The following PTGR2 variants were observed in gnomAD, a reference collection of about 807,000 sequenced individuals.
PTGR2 encodes prostaglandin reductase 2.
Under a neutral mutation model 43.4 loss-of-function variants are expected in PTGR2, and 32 were observed. That is an observed-to-expected ratio of 0.74 (90% confidence interval 0.56 to 0.99). PTGR2 has a LOEUF of 0.99. Among genes scored for constraint, PTGR2 ranks in the 50% least tolerant of loss-of-function variants. The pLI is 0.00. For missense variants in PTGR2, 373 were observed against 420.0 expected (o/e 0.89, Z 0.98); for synonymous variants, 106 against 139.2 (o/e 0.76, Z 1.68).
At chr14:73,861,185 G>A (rs1187550939) in intron 3 of PTGR2, 2 of 152,876 alleles carry the variant, frequency 1.3e-5, no homozygotes, top group Non-Finnish European at 2.9e-5. Flanking sequence ...ACAGGCATGA[G>A]CCACTGTGCT....
intron 6 of PTGR2, 137 bp from the exon 7 acceptor site, chr14:73,879,918 C>T: frequency 8.2e-6 from 6 of 728,972 alleles, no homozygotes; most frequent in South Asian, 3.8e-5. Context: ...TCTTAAATAC[C>T]TCTAACAGGT....
rs182665308 is a variant in PTGR2, at chr14:73,858,446, G to A, written c.-47-370G>A. 658 of 159,528 alleles carry A rather than the reference G, an allele frequency of 4.1e-3. 10 individuals are homozygous for A. Among genetic ancestry groups the A allele is most frequent in the African/African-American group, 0.015 (637 of 41,546 alleles). The allele number at this position is 159,528 out of a possible 1,614,324, so 9.9% of individuals were successfully genotyped here. ...CAGGCGCCTGTCGTCCCATCTACTC[G>A]GGAGGCTGAGGCAGGAGAATGGCGT... On this transcript the variant is annotated intron_variant, in intron 1 of 9. Coordinates refer to ENST00000555661, the MANE Select transcript of PTGR2 (RefSeq NM_001146154.2).
intron 7 of PTGR2, among the ~76,000 whole-genome samples, chr14:73,880,860 G>A (rs1001413797): frequency 6.6e-6 from 1 of 152,176 alleles, no homozygotes; most frequent in South Asian, 2.1e-4. Context: ...AAAGTGGCGC[G>A]ATCGCAGCTC....
intron 1 of PTGR2, among the ~76,000 whole-genome samples, chr14:73,852,321 G>C (rs928756896): frequency 5.9e-5 from 9 of 152,262 alleles, no homozygotes; most frequent in Admixed American, 5.9e-4. Flanking sequence ...GAGTGCAGTG[G>C]CGCGATCTCG....
chr14:73,880,138 T>G lies in PTGR2; in HGVS notation c.813T>G (p.Pro271=), dbSNP rs936882852. 1.2e-6 allele frequency: 2 copies of G among 1,614,038 alleles called. No individual in the cohort carries two copies. The highest frequency in any genetic ancestry group is 2.7e-5 in the African/African-American group (2 of 75,038). The change falls in exon 7 of 10, where the codon CCT becomes CCG. Residue 271 remains proline (P), a synonymous_variant. Coordinates refer to ENST00000555661, the MANE Select transcript of PTGR2 (RefSeq NM_001146154.2). ...KDVPYPPPLS[P]AIEAIQKERN... is the part of the protein sequence containing the mutation. ...TGCCTTATCCTCCCCCGCTATCCCCTGCTATAGAGGCAATCCAGAAAGAAA... is the reference window on the plus strand; with the variant it reads ...TGCCTTATCCTCCCCCGCTATCCCCGGCTATAGAGGCAATCCAGAAAGAAA...
intron 3 of PTGR2, among the ~76,000 whole-genome samples, chr14:73,869,671 A>C (rs958865193): frequency 6.6e-6 from 1 of 152,078 alleles, no homozygotes; most frequent in Non-Finnish European, 1.5e-5. Context: ...TGCATAAAGG[A>C]AGGAAGAAAA....
At position 73,877,047 on chromosome 14, in the gene PTGR2, T is replaced by C. The variant is rs2054881633; in HGVS notation, c.398T>C (p.Ile133Thr). The C allele has an allele frequency of 6.2e-7, 1 of 1,613,912 alleles. No homozygotes were observed. The highest frequency in any genetic ancestry group is 8.5e-7 in the Non-Finnish European group (1 of 1,179,906). The change falls in exon 5 of 10, where the codon ATA (isoleucine) becomes ACA (threonine). Residue 133 changes from isoleucine to threonine, a missense_variant. Physicochemically the swap from Ile to Thr is moderately conservative, Grantham distance 89 (BLOSUM62 -1). Transcript: ENST00000555661. Reference sequence around the variant, plus strand: ...CACCTTTCATATTTTCTTGGAGCTATAGGTATGCCTGGTTTGACTTCCTTG... The same window carrying C: ...CACCTTTCATATTTTCTTGGAGCTACAGGTATGCCTGGTTTGACTTCCTTG... ...DGHLSYFLGA[I>T]GMPGLTSLIG... is the part of the protein sequence containing the mutation.
rs1371148588 is a variant in PTGR2 at position 73,868,775 on chromosome 14, A to G, written c.157-5248A>G. 3.1e-5 allele frequency among the ~76,000 whole-genome samples: 4 copies of G among 130,268 alleles called. No homozygotes were observed. The East Asian group carries it at 9.2e-4, about 30-fold the overall frequency. The allele number at this position is 130,268 out of a possible 152,430, so 85.5% of individuals were successfully genotyped here. A position where few individuals can be genotyped will look rare whatever the true frequency, so the allele number is the denominator to read the frequency against. On this transcript the variant is annotated intron_variant, in intron 3 of 9. Transcript: ENST00000555661. ...CCGTTCTTTCCTGTGGAAACCAAAG[A>G]TACTTCTTCCTTAAAAAAAAAAAAG...
intron 3 of PTGR2, among the ~76,000 whole-genome samples, chr14:73,866,457 G>C (rs2054598662): frequency 6.6e-6 from 1 of 151,978 alleles, no homozygotes; most frequent in African/African-American, 2.4e-5. Flanking sequence ...TTTTAAGATT[G>C]TTTTGGCTCT....
chr14:73,864,457 T>C (rs760915653), intron 3 of PTGR2, among the ~76,000 whole-genome samples: 2 of 152,254 alleles, frequency 1.3e-5, no homozygotes, highest in Non-Finnish European at 2.9e-5. Context: ...ACACTTGTTA[T>C]TATCTGTCTT....
At chr14:73,877,350 C>A in intron 5 of PTGR2, 182 bp downstream of exon 5, 1 of 483,070 alleles carries the variant, frequency 2.1e-6, no homozygotes, top group Non-Finnish European at 3.6e-6. Flanking sequence ...CTGCAACCTC[C>A]GCCTCCTGGG....
chr14:73,880,034 T>C (rs2054945079), intron 6 of PTGR2, 21 bp from the exon 7 acceptor site: 1 of 1,611,858 alleles, frequency 6.2e-7, no homozygotes, highest in Non-Finnish European at 8.5e-7. Context: ...GGATATTTTA[T>C]CATTATTTTT....
At chr14:73,860,415 C>T (rs891605498) in intron 2 of PTGR2, 124 bp from the exon 3 acceptor site, 34 of 502,100 alleles carry the variant, frequency 6.8e-5, no homozygotes, top group Admixed American at 1.2e-4. Flanking sequence ...TGCAGTAAGC[C>T]GAGATCGCGC....
Position 73,874,234 on chromosome 14 carries a change from A to G in PTGR2, c.348+20A>G. 1 of 1,543,712 alleles carries G rather than the reference A, an allele frequency of 6.5e-7. No homozygotes were observed. The highest frequency in any genetic ancestry group is 1.4e-5 in the African/African-American group (1 of 72,502). ...GAAAAGGTGATATATATATGAACAT[A>G]TCTGATTTTTTTTCCCCGTATAATT... On this transcript the variant is annotated intron_variant, in intron 4 of 9. Transcript: ENST00000555661.
Position 73,874,027 on chromosome 14 carries a change from G to A in PTGR2, c.161G>A (p.Cys54Tyr). ...LYLSVDPYMRCRMNEDTGTDY... is the reference protein window; with the variant it reads ...LYLSVDPYMRYRMNEDTGTDY... The stretch of plus-strand genomic sequence containing the variant: ...CTTAATGTTTTCTTTTTTCAGCGTT[G>A]TAGAATGAATGAAGACACTGGCACT... Residue 54 changes from cysteine to tyrosine, a missense_variant, in exon 4 of 10, where the codon TGT (cysteine) becomes TAT (tyrosine). By Grantham distance (194) the Cys-to-Tyr change is radical (BLOSUM62 -2). Transcript: ENST00000555661. 1 of 1,584,394 alleles carries A rather than the reference G, an allele frequency of 6.3e-7. No homozygotes were observed. The highest frequency in any genetic ancestry group is 8.6e-7 in the Non-Finnish European group (1 of 1,168,660).
At chr14:73,871,748 G>A (rs747632747) in intron 3 of PTGR2, among the ~76,000 whole-genome samples, 4 of 152,226 alleles carry the variant, frequency 2.6e-5, no homozygotes, top group Admixed American at 6.5e-5. Flanking sequence ...GGTGTATGGG[G>A]AAATACCCCT....
intron 3 of PTGR2, among the ~76,000 whole-genome samples, chr14:73,862,791 T>G (rs1230298071): frequency 6.6e-6 from 1 of 152,276 alleles, no homozygotes; most frequent in East Asian, 1.9e-4. Flanking sequence ...CACTGCAGCC[T>G]CGACCTCCTG....
intron 7 of PTGR2, 21 bp from the exon 8 acceptor site, chr14:73,881,184 T>C (rs1357688298): frequency 2.1e-6 from 3 of 1,433,238 alleles, no homozygotes; most frequent in East Asian, 2.3e-5. Flanking sequence ...CTGATCATTA[T>C]CCTTTTCTTC....
chr14:73,879,933 TA>T (rs370186845), intron 6 of PTGR2, 121 bp from the exon 7 acceptor site: 4,362 of 846,944 alleles, frequency 5.2e-3, no homozygotes, highest in Middle Eastern at 6.3e-3. Context: ...ACAGGTAAAT[TA>T]AAAAAAAAAT....
Sources: gnomAD v4.1 joint callset for allele counts (sites outside exome capture counted in the v4.1 genomes callset) on GRCh38, gnomAD v4.1.1 for gene constraint, MANE v1.5 for transcripts, NCBI Gene and HGNC (gene_info 2026-07-23, HGNC 2026-07-21) for gene names.